CACNA1D: variants seen among roughly 807,000 people sequenced by gnomAD.
CACNA1D encodes the protein voltage-dependent L-type calcium channel subunit alpha-1D.
CACNA1D carries 55 observed loss-of-function variants against 257.1 expected under a neutral mutation model. That is an observed-to-expected ratio of 0.21 (90% CI 0.17 to 0.27). CACNA1D has a LOEUF of 0.27. CACNA1D is among the 10% of genes least tolerant of loss of function. The pLI is 1.00. For missense variants in CACNA1D, 1,876 were observed against 2,784.0 expected, an observed-to-expected ratio of 0.67 and a Z score of 7.34; for synonymous variants, 980 against 1,014.9, an observed-to-expected ratio of 0.97 and a Z score of 0.65.
intron 37 of CACNA1D, 124 bp from the exon 38 acceptor site, chr3:53,779,902 G>A (rs755797367): frequency 1.7e-5 from 13 of 774,942 alleles, no homozygotes; most frequent in Non-Finnish European, 2.8e-5. Flanking sequence ...CCAAATGGCT[G>A]TTGAATGGAA....
At chr3:53,616,373 G>T (rs2093636825) in intron 3 of CACNA1D, among the ~76,000 whole-genome samples, 1 of 152,182 alleles carries the variant, frequency 6.6e-6, no homozygotes, top group South Asian at 2.1e-4. Flanking sequence ...TGGAGAGAAG[G>T]CTAGAAAAGG....
intron 3 of CACNA1D, among the ~76,000 whole-genome samples, chr3:53,546,080 C>T (rs1013921310): frequency 1.3e-5 from 2 of 152,206 alleles, no homozygotes; most frequent in African/African-American, 4.8e-5. Context: ...CAAGGGATCA[C>T]AGATATTGTA....
chr3:53,738,045 C>G (rs547004463), intron 20 of CACNA1D, among the ~76,000 whole-genome samples: 1 of 152,264 alleles, frequency 6.6e-6, no homozygotes, highest in South Asian at 2.1e-4. Flanking sequence ...ACTCTCAGGC[C>G]TAGATATTAT....
intron 7 of CACNA1D, among the ~76,000 whole-genome samples, chr3:53,672,141 C>T (rs1414867389): frequency 6.6e-6 from 1 of 152,216 alleles, no homozygotes; most frequent in Non-Finnish European, 1.5e-5. Flanking sequence ...GAATGTGCAG[C>T]ATGAGCTTGT....
intron 3 of CACNA1D, among the ~76,000 whole-genome samples, chr3:53,562,387 C>A (rs554377938): frequency 7.2e-5 from 11 of 152,308 alleles, no homozygotes; most frequent in African/African-American, 2.4e-4. Flanking sequence ...AGTCCATATT[C>A]TCTGATATGT....
At chr3:53,648,651 C>T (rs1045904011) in intron 3 of CACNA1D, among the ~76,000 whole-genome samples, 3 of 151,608 alleles carry the variant, frequency 2.0e-5, no homozygotes, top group South Asian at 2.1e-4. Context: ...TAGCTCTGAG[C>T]GTGGCATTTC....
chr3:53,800,081 T>TACCA lies in CACNA1D; in HGVS notation c.4924-165_4924-162dup, dbSNP rs918196895. 96 of 724,266 alleles carry TACCA rather than the reference T, an allele frequency of 1.3e-4. No individual in the cohort carries two copies. In the African/African-American group the frequency reaches 1.5e-3, roughly 11 times the overall value. 44.9% of individuals were successfully genotyped at this position (724,266 alleles called of 1,614,324 possible). A position where few individuals can be genotyped will look rare whatever the true frequency, so the allele number is the denominator to read the frequency against. On this transcript the variant is annotated intron_variant, in intron 40 of 47. Transcript: ENST00000350061. This position sits in a 1 kb window ranked among gnomAD's most constrained non-coding sequence, Gnocchi z 4.3. Reference sequence around the variant, plus strand: ...TCTTGACCCTCTGGATGCCTGACCATACCAACAACCCTTAGACTGCCTTCA... The same window carrying TACCA: ...TCTTGACCCTCTGGATGCCTGACCATACCAACCAACAACCCTTAGACTGCCTTCA...
Position 53,793,274 on chromosome 3 carries a change from A to G in CACNA1D, c.4923+6322A>G, listed in dbSNP as rs1011430871. Among the ~76,000 whole-genome samples, 2 of 152,192 alleles carry G rather than the reference A, an allele frequency of 1.3e-5. No homozygotes were observed. The highest frequency in any genetic ancestry group is 4.8e-5 in the African/African-American group (2 of 41,456). ...TGCTCTGATTGGGCAGCACCTGGGT[A>G]TATTAAGTTATAAGAATTTATGAAG... On this transcript the variant is annotated intron_variant, in intron 40 of 47. Coordinates refer to ENST00000350061, the MANE Select transcript of CACNA1D (RefSeq NM_001128840.3). The surrounding 1 kb of genome is among the most constrained non-coding windows in gnomAD (Gnocchi z 4.1).
chr3:53,606,014 C>A (rs768781118), intron 3 of CACNA1D, among the ~76,000 whole-genome samples: 1 of 152,148 alleles, frequency 6.6e-6, no homozygotes, highest in Non-Finnish European at 1.5e-5. Flanking sequence ...ACTGTTACCC[C>A]GTGACTTAAA....
At position 53,605,585 on chromosome 3, in the gene CACNA1D, G is replaced by A. The variant is rs748159367; in HGVS notation, c.484-45194G>A. ...CAAAAATCAGGGAAGCAGTTAGGAA[G>A]ACTACACTTGGATGGTTAGTATTGT... On this transcript the variant is annotated intron_variant, in intron 3 of 47. Transcript: ENST00000350061. 3.0e-4 allele frequency among the ~76,000 whole-genome samples: 46 copies of A among 152,350 alleles called. 1 individual carries two copies. Among genetic ancestry groups the A allele is most frequent in the South Asian group, 1.4e-3 (7 of 4,832 alleles).
At chr3:53,544,416 C>T (rs2092368287) in intron 3 of CACNA1D, among the ~76,000 whole-genome samples, 2 of 151,968 alleles carry the variant, frequency 1.3e-5, no homozygotes, top group Admixed American at 6.6e-5. Flanking sequence ...AGAAGGCTTC[C>T]TGAGACAGAG....
rs939747215 is a variant in CACNA1D at position 53,744,840 on chromosome 3, C to T, written c.3006+13C>T. Reference sequence around the variant, plus strand: ...AAAAGGACTTAAGGTTTTGATTCCTCTCCTCCCGGCTGGGCTGGCTTGGGT... The same window carrying T: ...AAAAGGACTTAAGGTTTTGATTCCTTTCCTCCCGGCTGGGCTGGCTTGGGT... On this transcript the variant is annotated intron_variant, in intron 23 of 47. Transcript: ENST00000350061. 6.6e-7 allele frequency: 1 copy of T among 1,505,140 alleles called. No homozygotes were observed. Among genetic ancestry groups the T allele is most frequent in the Non-Finnish European group, 9.3e-7 (1 of 1,080,728 alleles). 93.2% of individuals were successfully genotyped at this position (1,505,140 alleles called of 1,614,324 possible).
chr3:53,527,887 A>G (rs969978385), intron 3 of CACNA1D, among the ~76,000 whole-genome samples: 1 of 152,226 alleles, frequency 6.6e-6, no homozygotes, highest in African/African-American at 2.4e-5. Context: ...AAAGCATTGT[A>G]CATGATCTGT....
intron 11 of CACNA1D, among the ~76,000 whole-genome samples, chr3:53,720,579 TA>T (rs1332241366): frequency 1.4e-4 from 22 of 152,068 alleles, no homozygotes; most frequent in African/African-American, 4.8e-4. Context: ...AAAAACCCAA[TA>T]AAAAATGGGC....
intron 8 of CACNA1D, among the ~76,000 whole-genome samples, chr3:53,696,397 C>T (rs773550691): frequency 1.2e-4 from 18 of 152,316 alleles, no homozygotes; most frequent in African/African-American, 2.9e-4. Flanking sequence ...TGTGTGCCCA[C>T]GTGCTGTGAG....
chr3:53,601,490 A>G (rs1282740446), intron 3 of CACNA1D, among the ~76,000 whole-genome samples: 2 of 152,176 alleles, frequency 1.3e-5, no homozygotes, highest in Non-Finnish European at 2.9e-5. Flanking sequence ...CTGGGATTTT[A>G]TAATTCCTGG....
At chr3:53,797,715 A>T (rs1234265311) in intron 40 of CACNA1D, 1 of 152,244 alleles carries the variant, frequency 6.6e-6, no homozygotes, top group African/African-American at 2.4e-5. Context: ...TATTTCAGTG[A>T]AATGTCAACC....
intron 30 of CACNA1D, among the ~76,000 whole-genome samples, chr3:53,765,012 C>T (rs937463424): frequency 6.6e-6 from 1 of 152,206 alleles, no homozygotes; most frequent in Non-Finnish European, 1.5e-5. Context: ...TCAGTGTCTC[C>T]TTGCTGGGCC....
At chr3:53,719,815 G>A in intron 11 of CACNA1D, 34 bp downstream of exon 11, 2 of 1,600,602 alleles carry the variant, frequency 1.2e-6, no homozygotes, top group Non-Finnish European at 8.6e-7. Context: ...TCGTCAGCCT[G>A]TGTGTTGCCT....
Sources: allele counts gnomAD v4.1 joint callset (sites outside exome capture counted in the v4.1 genomes callset), GRCh38; gene constraint gnomAD v4.1.1; non-coding constraint Gnocchi (gnomAD v3.1); transcripts MANE v1.5; gene names NCBI Gene and HGNC (gene_info 2026-07-23, HGNC 2026-07-21).